The following UNC5B variants were observed in gnomAD, a reference collection of about 807,000 sequenced individuals.
The protein encoded by UNC5B is unc-5 netrin receptor B.
A neutral mutation model predicts 103.7 loss-of-function variants in UNC5B; 56 were observed. The ratio of observed to expected loss-of-function variants is 0.54; its 90% confidence interval spans 0.44 to 0.67. UNC5B has a LOEUF of 0.67. Among genes scored for constraint, UNC5B ranks in the 30% least tolerant of loss-of-function variants. The probability of loss-of-function intolerance (pLI) is 0.00; values close to 1 mark genes in which losing one functional copy is unlikely to be tolerated. For synonymous variants in UNC5B, 577 were observed against 542.0 expected (o/e 1.06, Z -0.90); for missense variants, 1,194 against 1,284.5 (o/e 0.93, Z 1.08).
At chr10:71,275,594 AT>A (rs1844750909) in intron 1 of UNC5B, among the ~76,000 whole-genome samples, 1 of 152,148 alleles carries the variant, frequency 6.6e-6, no homozygotes, top group Non-Finnish European at 1.5e-5. Context: ...GATCACCTGA[AT>A]TTGCCCCCTA....
At chr10:71,294,950 C>A (rs968160485) in intron 13 of UNC5B, among the ~76,000 whole-genome samples, 1 of 152,172 alleles carries the variant, frequency 6.6e-6, no homozygotes, top group Non-Finnish European at 1.5e-5. Flanking sequence ...GACACTTGGC[C>A]GTGTGTGAGC....
In UNC5B at chr10:71,237,098, C is replaced by G. The variant is rs141234126; in HGVS notation, c.79+24034C>G. 9.2e-5 allele frequency among the ~76,000 whole-genome samples: 14 copies of G among 152,224 alleles called. No individual in the cohort carries two copies. The East Asian group carries it at 1.9e-3, about 21-fold the overall frequency. ...TGGTGGGCAAACAGGCCTGCCTGGG[C>G]GGAGGGTAGCTAGGATCCCAGGCTG... is the stretch of plus-strand genomic sequence containing the variant. On this transcript the variant is annotated intron_variant, in intron 1 of 16. Transcript: ENST00000335350.
At chr10:71,285,188 A>G (rs1324976190) in intron 3 of UNC5B, 138 bp from the exon 4 acceptor site, 2 of 946,746 alleles carry the variant, frequency 2.1e-6, no homozygotes, top group Non-Finnish European at 3.2e-6. Flanking sequence ...GGAGAAGAGG[A>G]AATTTCCCAG....
chr10:71,275,524 T>C (rs1170952371), intron 1 of UNC5B, among the ~76,000 whole-genome samples: 1 of 152,192 alleles, frequency 6.6e-6, no homozygotes, highest in East Asian at 1.9e-4. Flanking sequence ...GAGTAGCACA[T>C]AGTAGACCTA....
At chr10:71,288,537 G>C in intron 6 of UNC5B, 31 bp from the exon 7 acceptor site, 1 of 1,600,506 alleles carries the variant, frequency 6.2e-7, no homozygotes, top group Non-Finnish European at 8.5e-7. Flanking sequence ...GTCTCTGCGT[G>C]CACATGCTCC....
intron 13 of UNC5B, 47 bp downstream of exon 13, chr10:71,293,980 A>T (rs891775408): frequency 1.1e-5 from 17 of 1,496,586 alleles, no homozygotes; most frequent in Non-Finnish European, 1.4e-5. Context: ...GGCCAGCTGC[A>T]TGATCCCTGC....
intron 2 of UNC5B, 42 bp from the exon 3 acceptor site, chr10:71,284,678 G>T: frequency 6.2e-7 from 1 of 1,609,288 alleles, no homozygotes. Context: ...TCACATCCTT[G>T]CTTTGCCCCT....
intron 1 of UNC5B, among the ~76,000 whole-genome samples, chr10:71,276,181 A>T (rs760049038): frequency 6.8e-5 from 1 of 14,700 alleles, no homozygotes; most frequent in Non-Finnish European, 3.3e-4. Flanking sequence ...GGGATAGCTT[A>T]AAAAAAATTA....
chr10:71,288,789 TCCCCCAAACCCGGCC>T (rs1845163286), intron 7 of UNC5B, 57 bp downstream of exon 7: 1 of 1,546,372 alleles, frequency 6.5e-7, no homozygotes, highest in Non-Finnish European at 8.7e-7. Flanking sequence ...CATGTAAGGG[TCCCCCAAACCCGGCC>T]CCATGCCTCA....
intron 3 of UNC5B, 145 bp from the exon 4 acceptor site, chr10:71,285,181 G>A (rs1303774199): frequency 6.6e-6 from 6 of 904,268 alleles, no homozygotes; most frequent in Non-Finnish European, 1.0e-5. Flanking sequence ...CTCCTTTGGA[G>A]AAGAGGAAAT....
In UNC5B at chr10:71,291,497, G is replaced by A. The variant is rs917005570; in HGVS notation, c.1360G>A (p.Gly454Arg). 24 of 1,613,900 alleles carry A rather than the reference G, an allele frequency of 1.5e-5. No homozygotes were observed. The highest frequency in any genetic ancestry group is 1.9e-5 in the Non-Finnish European group (22 of 1,180,006). ...DLTASAGIYR[G>R]PVYALQDSTD... ...GACAGCCAGCGCCGGCATCTACCGC[G>A]GACCCGTGTATGCCCTGCAGGACTC... is the stretch of plus-strand genomic sequence containing the variant. The change falls in exon 10 of 17, where the codon GGA becomes AGA. Residue 454 changes from glycine (G) to arginine (R), a missense_variant. Physicochemically the swap from Gly to Arg is moderately radical, Grantham distance 125. Coordinates refer to ENST00000335350, the MANE Select transcript of UNC5B (RefSeq NM_170744.5).
intron 1 of UNC5B, among the ~76,000 whole-genome samples, chr10:71,232,876 C>A (rs1843709506): frequency 6.6e-6 from 1 of 152,196 alleles, no homozygotes; most frequent in African/African-American, 2.4e-5. Context: ...GTCCTCCCAA[C>A]CACTCTGTGA....
At chr10:71,233,236 C>T (rs1454608014) in intron 1 of UNC5B, among the ~76,000 whole-genome samples, 2 of 152,146 alleles carry the variant, frequency 1.3e-5, no homozygotes, top group Admixed American at 6.5e-5. Flanking sequence ...CTCGGCTTTT[C>T]GTTGCAGGTT....
chr10:71,299,199 C>T lies in UNC5B; in HGVS notation c.2760C>T (p.Leu920=). 6.2e-7 allele frequency: 1 copy of T among 1,614,246 alleles called. No individual in the cohort carries two copies. Residue 920 remains leucine, a synonymous_variant, in exon 17 of 17, where the codon CTC becomes CTT. Coordinates refer to ENST00000335350, the MANE Select transcript of UNC5B (RefSeq NM_170744.5). ...WEALQQDDGD[L]NSLASALEEM... ...CTCTGCAGCAGGACGATGGGGACCT[C>T]AACAGCCTGGCGAGTGCCTTGGAGG...
At chr10:71,266,599 A>G (rs527664542) in intron 1 of UNC5B, among the ~76,000 whole-genome samples, 1 of 152,144 alleles carries the variant, frequency 6.6e-6, no homozygotes, top group Non-Finnish European at 1.5e-5. Flanking sequence ...AGCTTGCATC[A>G]GCCTTTTGCA....
chr10:71,261,958 G>A (rs1844423481), intron 1 of UNC5B, among the ~76,000 whole-genome samples: 2 of 146,966 alleles, frequency 1.4e-5, no homozygotes, highest in Admixed American at 1.4e-4. Flanking sequence ...TGACTTCTTT[G>A]CCTATTCTGA....
chr10:71,221,744 T>C (rs1056272397), intron 1 of UNC5B, among the ~76,000 whole-genome samples: 15 of 152,304 alleles, frequency 9.8e-5, no homozygotes, highest in African/African-American at 3.4e-4. Flanking sequence ...GGGAGGGGTC[T>C]TGCGCGATGT....
At chr10:71,297,096 G>A (rs969769978) in intron 15 of UNC5B, among the ~76,000 whole-genome samples, 22 of 152,250 alleles carry the variant, frequency 1.4e-4, no homozygotes, top group African/African-American at 5.3e-4. Flanking sequence ...GGAGGTGAGG[G>A]CCAGAGGATA....
chr10:71,279,705 G>GC, intron 1 of UNC5B, 116 bp from the exon 2 acceptor site: 1 of 1,137,694 alleles, frequency 8.8e-7, no homozygotes, highest in African/African-American at 1.6e-5. Flanking sequence ...GGCTCTGGCT[G>GC]CCCCACCTCT....
Sources: gnomAD v4.1 joint callset for allele counts (sites outside exome capture counted in the v4.1 genomes callset) on GRCh38, gnomAD v4.1.1 for gene constraint, MANE v1.5 for transcripts, NCBI Gene and HGNC (gene_info 2026-07-23, HGNC 2026-07-21) for gene names.